The following CCDC138 variants were observed in gnomAD, a reference collection of about 807,000 sequenced individuals.
CCDC138 encodes the protein coiled-coil domain-containing protein 138.
A neutral mutation model predicts 82.3 loss-of-function variants in CCDC138; 66 were observed. The ratio of observed to expected loss-of-function variants is 0.80; its 90% confidence interval spans 0.66 to 0.98. The LOEUF (loss-of-function observed/expected upper bound fraction) is 0.98. Ranked by LOEUF, CCDC138 falls within the 50% of genes least tolerant of loss-of-function variation. The probability of loss-of-function intolerance (pLI) is 0.00; values close to 1 mark genes in which losing one functional copy is unlikely to be tolerated. For missense variants in CCDC138, 816 were observed against 758.9 expected (o/e 1.08, Z -0.88); for synonymous variants, 297 against 265.4 (o/e 1.12, Z -1.16).
chr2:108,802,041 A>G (rs1333127179), intron 6 of CCDC138, among the ~76,000 whole-genome samples: 1 of 139,900 alleles, frequency 7.1e-6, no homozygotes, highest in Non-Finnish European at 1.5e-5. Flanking sequence ...GCCTTGTAGT[A>G]TAGTTTGAAG....
intron 13 of CCDC138, among the ~76,000 whole-genome samples, chr2:108,865,802 G>A (rs1456458576): frequency 6.6e-6 from 1 of 152,136 alleles, no homozygotes; most frequent in South Asian, 2.1e-4. Context: ...CTTACTCCGT[G>A]ATGAGCCAGA....
chr2:108,863,192 A>G (rs1333642101), intron 13 of CCDC138, among the ~76,000 whole-genome samples: 3 of 152,196 alleles, frequency 2.0e-5, no homozygotes, highest in East Asian at 3.9e-4. Context: ...CAATCGTTCT[A>G]TTATGTTTTT....
chr2:108,872,166 A>G (rs1695357531), intron 13 of CCDC138, among the ~76,000 whole-genome samples: 1 of 152,172 alleles, frequency 6.6e-6, no homozygotes, highest in African/African-American at 2.4e-5. Context: ...GTCTTCAGAC[A>G]TTCATTGTTG....
chr2:108,793,025 C>T (rs1421585230), intron 4 of CCDC138, among the ~76,000 whole-genome samples: 2 of 150,430 alleles, frequency 1.3e-5, no homozygotes, highest in Non-Finnish European at 1.5e-5. Flanking sequence ...GACTGTGCCA[C>T]TGCACTCCAG....
intron 6 of CCDC138, among the ~76,000 whole-genome samples, chr2:108,803,327 C>A (rs1346008818): frequency 1.3e-5 from 2 of 152,216 alleles, no homozygotes; most frequent in Admixed American, 1.3e-4. Context: ...GCGGGATTCT[C>A]CCCACACTCT....
In CCDC138 at chr2:108,876,463, A is replaced by T; in HGVS notation, c.*210A>T. The stretch of plus-strand genomic sequence containing the variant: ...TTCAGGTAAGGTAATACTAATATAC[A>T]AGATGGCGTTTCTAGAATGTATGAC... On this transcript the variant is annotated 3_prime_UTR_variant, in exon 15 of 15. Transcript: ENST00000295124. 2.9e-6 allele frequency: 1 copy of T among 344,100 alleles called. No individual in the cohort carries two copies. Among genetic ancestry groups the T allele is most frequent in the Non-Finnish European group, 5.2e-6 (1 of 192,360 alleles). The allele number at this position is 344,100 out of a possible 1,614,324, so 21.3% of individuals were successfully genotyped here. A position where few individuals can be genotyped will look rare whatever the true frequency, so the allele number is the denominator to read the frequency against.
intron 1 of CCDC138, among the ~76,000 whole-genome samples, chr2:108,881,668 G>A (rs1357627850): frequency 1.3e-5 from 2 of 152,152 alleles, no homozygotes; most frequent in Admixed American, 1.3e-4. Flanking sequence ...GCATTTTAAG[G>A]TTATTAATTG....
intron 1 of CCDC138, among the ~76,000 whole-genome samples, chr2:108,881,676 T>C (rs190295581): frequency 2.1e-4 from 32 of 152,292 alleles, no homozygotes; most frequent in East Asian, 1.3e-3. Flanking sequence ...AGGTTATTAA[T>C]TGGCCTAATT....
chr2:108,856,806 C>T lies in CCDC138; in HGVS notation c.1529C>T (p.Ala510Val). The stretch of plus-strand genomic sequence containing the variant: ...AACTATTTTCCAGCTGATTACCTGG[C>T]TCAGGCATTTGATTCTCTTTGTTTG... ...LKTVTQADYL[A>V]QAFDSLCLDL... The change falls in exon 13 of 15, where the codon GCT (alanine) becomes GTT (valine). Residue 510 changes from alanine (A) to valine (V), a missense_variant. Transcript: ENST00000295124. 1 of 1,613,034 alleles carries T rather than the reference C, an allele frequency of 6.2e-7. No individual in the cohort carries two copies. The highest frequency in any genetic ancestry group is 8.5e-7 in the Non-Finnish European group (1 of 1,179,670).
Position 108,791,940 on chromosome 2 carries a change from T to C in CCDC138, c.394+138T>C, listed in dbSNP as rs985074106. 7 of 852,970 alleles carry C rather than the reference T, an allele frequency of 8.2e-6. No homozygotes were observed. The South Asian group carries it at 1.4e-4, about 17-fold the overall frequency. 52.8% of individuals were successfully genotyped at this position (852,970 alleles called of 1,614,324 possible). A position where few individuals can be genotyped will look rare whatever the true frequency, so the allele number is the denominator to read the frequency against. On this transcript the variant is annotated intron_variant, in intron 4 of 14. Transcript: ENST00000295124. ...TTCTGAACTTCTGTAAGCTAGGAGATAGTTACTGTGCTTATTATTAAACTA... is the reference window on the plus strand; with the variant it reads ...TTCTGAACTTCTGTAAGCTAGGAGACAGTTACTGTGCTTATTATTAAACTA...
rs546117018 is a variant in CCDC138, at chr2:108,790,106, G to C, written c.266+1140G>C. The stretch of plus-strand genomic sequence containing the variant: ...TAAGTTAATCTGTGTAACACACTTT[G>C]AACAGTTCTGGGTAAATAATAAGTA... On this transcript the variant is annotated intron_variant, in intron 3 of 14. Transcript: ENST00000295124. Among the ~76,000 whole-genome samples, 6 of 152,084 alleles carry C rather than the reference G, an allele frequency of 3.9e-5. No homozygotes were observed. In the East Asian group the frequency reaches 7.7e-4, roughly 20 times the overall value.
intron 13 of CCDC138, among the ~76,000 whole-genome samples, chr2:108,863,642 C>T (rs576325519): frequency 1.3e-5 from 2 of 152,160 alleles, no homozygotes; most frequent in African/African-American, 2.4e-5. Context: ...TATATTTCTA[C>T]ATAACCTTTG....
At chr2:108,847,044 G>A in intron 12 of CCDC138, 114 bp downstream of exon 12, 1 of 669,880 alleles carries the variant, frequency 1.5e-6, no homozygotes, top group East Asian at 2.7e-5. Context: ...GTTTTGAATT[G>A]TTTTATAATG....
At chr2:108,865,281 T>C (rs1286453337) in intron 13 of CCDC138, among the ~76,000 whole-genome samples, 2 of 152,208 alleles carry the variant, frequency 1.3e-5, no homozygotes, top group African/African-American at 2.4e-5. Context: ...TTGGCTAATA[T>C]AAACAGTGCT....
intron 10 of CCDC138, 67 bp from the exon 11 acceptor site, chr2:108,839,118 G>A: frequency 6.9e-7 from 1 of 1,440,786 alleles, no homozygotes; most frequent in Non-Finnish European, 9.2e-7. Flanking sequence ...GGAAAATTGT[G>A]GTAATTGATT....
At chr2:108,820,230 C>T (rs942007452) in intron 10 of CCDC138, among the ~76,000 whole-genome samples, 1 of 151,812 alleles carries the variant, frequency 6.6e-6, no homozygotes, top group East Asian at 1.9e-4. Context: ...CAACATGGTG[C>T]GACCCCGTGC....
intron 13 of CCDC138, among the ~76,000 whole-genome samples, chr2:108,870,868 A>T (rs1453661160): frequency 6.6e-6 from 1 of 152,222 alleles, no homozygotes; most frequent in Non-Finnish European, 1.5e-5. Flanking sequence ...TCAGAAGAAG[A>T]TGGAAAAAAC....
chr2:108,879,631 T>G (rs1199305443), downstream of CCDC138, among the ~76,000 whole-genome samples: 3 of 152,188 alleles, frequency 2.0e-5, no homozygotes, highest in African/African-American at 7.2e-5. Flanking sequence ...GTTTTTAGTA[T>G]ATTATTATTA....
intron 13 of CCDC138, among the ~76,000 whole-genome samples, chr2:108,869,572 G>T (rs1260173390): frequency 6.6e-6 from 1 of 152,210 alleles, no homozygotes; most frequent in East Asian, 1.9e-4. Flanking sequence ...ACCTGTGGAT[G>T]TGTAGGAGGA....
Sources: allele counts gnomAD v4.1 joint callset (sites outside exome capture counted in the v4.1 genomes callset), GRCh38; gene constraint gnomAD v4.1.1; transcripts MANE v1.5; gene names NCBI Gene and HGNC (gene_info 2026-07-23, HGNC 2026-07-21).